METTL8: variants seen among roughly 807,000 people sequenced by gnomAD.
METTL8 encodes the protein methyltransferase 8, tRNA N3-cytidine.
METTL8 carries 32 observed loss-of-function variants against 48.7 expected under a neutral mutation model. The ratio of observed to expected loss-of-function variants is 0.66; its 90% CI spans 0.50 to 0.88. METTL8 has a LOEUF of 0.88. Ranked by LOEUF, METTL8 falls within the 40% of genes least tolerant of loss-of-function variation. The pLI is 0.00. For missense variants in METTL8, 464 were observed against 474.4 expected (o/e 0.98, Z 0.20); for synonymous variants, 136 against 157.1 (o/e 0.87, Z 1.01).
chr2:171,374,880 T>A (rs1174724475), intron 2 of METTL8: 1 of 862,010 alleles, frequency 1.2e-6, no homozygotes, highest in African/African-American at 1.7e-5. Flanking sequence ...AATTTCCATT[T>A]TATTTTTCTC....
intron 1 of METTL8, among the ~76,000 whole-genome samples, chr2:171,398,717 A>G (rs1486268619): frequency 6.6e-6 from 1 of 152,206 alleles, no homozygotes; most frequent in East Asian, 1.9e-4. Flanking sequence ...ACATACACAC[A>G]AAGGTAACTA....
Position 171,339,470 on chromosome 2 carries a change from A to G in METTL8, c.320T>C (p.Leu107Pro). The G allele has an allele frequency of 6.2e-7, 1 of 1,613,718 alleles. No individual in the cohort carries two copies. ...KNKFFKDRNW[L>P]LREFPEILPV... ...AAGAATTTCAGGAAATTCCCTCAAC[A>G]GCCAATTACGATCCTTGAAAAACTT... is the stretch of plus-strand genomic sequence containing the variant. The change falls in exon 4 of 10, where the codon CTG becomes CCG. Residue 107 changes from leucine to proline, a missense_variant. Transcript: ENST00000375258.
intron 5 of METTL8, among the ~76,000 whole-genome samples, chr2:171,333,649 G>A (rs1231444847): frequency 6.6e-6 from 1 of 151,994 alleles, no homozygotes; most frequent in East Asian, 1.9e-4. Flanking sequence ...GTTTTTTTCT[G>A]ATTAAATCCA....
At chr2:171,332,491 A>G (rs1447041659) in intron 5 of METTL8, 1 of 152,474 alleles carries the variant, frequency 6.6e-6, no homozygotes, top group Non-Finnish European at 1.5e-5. Context: ...CTTAACTTAA[A>G]TATGTTCTGT....
chr2:171,361,403 CAT>C (rs1327973568), intron 2 of METTL8, among the ~76,000 whole-genome samples: 1 of 152,040 alleles, frequency 6.6e-6, no homozygotes, highest in Non-Finnish European at 1.5e-5. Context: ...ACACTATTAT[CAT>C]ATGATATATG....
At chr2:171,351,363 T>C (rs184177166) in intron 3 of METTL8, among the ~76,000 whole-genome samples, 25 of 152,348 alleles carry the variant, frequency 1.6e-4, no homozygotes, top group African/African-American at 5.8e-4. Context: ...TTGGTTACTG[T>C]AGGCTTGTAG....
intron 3 of METTL8, among the ~76,000 whole-genome samples, chr2:171,350,960 T>C (rs4667684): frequency 0.34 from 51,645 of 152,040 alleles, 8,881 homozygotes; most frequent in Middle Eastern, 0.45. Context: ...AGAAGCTCTT[T>C]AGTTTAATTA....
chr2:171,387,945 C>T (rs1252898039), intron 2 of METTL8, among the ~76,000 whole-genome samples: 1 of 152,206 alleles, frequency 6.6e-6, no homozygotes, highest in Non-Finnish European at 1.5e-5. Flanking sequence ...TCATGCCCAA[C>T]TTGACTTCTT....
rs765823702 is a variant in METTL8, at chr2:171,339,440, A to C, written c.350T>G (p.Val117Gly). ...CGCCTTCTCTTCAGGTTTTTGATCA[A>C]CTGGAAGAATTTCAGGAAATTCCCT... Reference protein sequence around the residue: ...LLREFPEILPVDQKPEEKARE... With the variant: ...LLREFPEILPGDQKPEEKARE... Residue 117 changes from valine to glycine, a missense_variant, in exon 4 of 10, where the codon GTT becomes GGT. By Grantham distance (109) the Val-to-Gly change is moderately radical. Transcript: ENST00000375258. 1.9e-6 allele frequency: 3 copies of C among 1,613,640 alleles called. No homozygotes were observed. The Admixed American group carries it at 5.0e-5, about 27-fold the overall frequency.
chr2:171,341,552 T>C (rs1178255549), intron 3 of METTL8, among the ~76,000 whole-genome samples: 4 of 150,378 alleles, frequency 2.7e-5, no homozygotes, highest in African/African-American at 7.4e-5. Flanking sequence ...TCCTTTTTTT[T>C]CCCTTTTTTT....
rs999879773 is a variant in METTL8 at position 171,318,405 on chromosome 2, C to T, written c.*5767G>A. ...TCCTGATTTCACATATTTTACATTA[C>T]CCTAGAGCTGAATCCTTTTGAAGAC... On this transcript the variant is annotated 3_prime_UTR_variant, in exon 10 of 10. Transcript: ENST00000375258. 2.6e-5 allele frequency: 4 copies of T among 152,182 alleles called. No homozygotes were observed. The highest frequency in any genetic ancestry group is 5.9e-5 in the Non-Finnish European group (4 of 68,034). The allele number at this position is 152,182 out of a possible 1,614,324, so 9.4% of individuals were successfully genotyped here.
intron 2 of METTL8, among the ~76,000 whole-genome samples, chr2:171,385,056 G>C (rs1474248782): frequency 1.3e-5 from 2 of 151,952 alleles, no homozygotes; most frequent in East Asian, 3.9e-4. Context: ...ATGAACTGTA[G>C]ATAATTCTGA....
chr2:171,396,872 G>A (rs1185286099), intron 1 of METTL8, among the ~76,000 whole-genome samples: 1 of 143,278 alleles, frequency 7.0e-6, no homozygotes. Flanking sequence ...TTTCTTTTTT[G>A]AGACAAGGTC....
chr2:171,341,820 T>C (rs1686803323), intron 3 of METTL8, among the ~76,000 whole-genome samples: 2 of 143,182 alleles, frequency 1.4e-5, no homozygotes, highest in African/African-American at 5.4e-5. Flanking sequence ...TATGGTTACA[T>C]AGAAATATTC....
chr2:171,403,705 AT>A (rs1689862969), intron 1 of METTL8, among the ~76,000 whole-genome samples: 1 of 151,984 alleles, frequency 6.6e-6, no homozygotes, highest in Non-Finnish European at 1.5e-5. Flanking sequence ...TAACTTCACA[AT>A]TTCTTCATAA....
chr2:171,395,585 A>T (rs1212417758), intron 1 of METTL8, among the ~76,000 whole-genome samples: 1 of 152,208 alleles, frequency 6.6e-6, no homozygotes, highest in Non-Finnish European at 1.5e-5. Flanking sequence ...AAAGACTATT[A>T]TAGAGATAAA....
upstream of METTL8, chr2:171,434,074 G>A (rs1693534449): frequency 6.6e-6 from 2 of 304,966 alleles, no homozygotes; most frequent in Non-Finnish European, 1.3e-5. Context: ...GCGCCCCCAG[G>A]GCTCTGCCCA....
chr2:171,426,460 T>A (rs1399324476), intron 1 of METTL8, among the ~76,000 whole-genome samples: 1 of 152,182 alleles, frequency 6.6e-6, no homozygotes, highest in Non-Finnish European at 1.5e-5. Context: ...TAGGTAATAT[T>A]CTGTTTATTT....
intron 2 of METTL8, among the ~76,000 whole-genome samples, chr2:171,368,218 G>T (rs1409595412): frequency 6.6e-6 from 1 of 152,164 alleles, no homozygotes; most frequent in African/African-American, 2.4e-5. Flanking sequence ...AACAGTCTAT[G>T]TGACAAGATG....
Sources: allele counts gnomAD v4.1 joint callset (sites outside exome capture counted in the v4.1 genomes callset), GRCh38; gene constraint gnomAD v4.1.1; transcripts MANE v1.5; gene names NCBI Gene and HGNC (gene_info 2026-07-23, HGNC 2026-07-21).